Variants in SERGEF observed in about 807,000 individuals in gnomAD.
SERGEF encodes the protein secretion regulating guanine nucleotide exchange factor, also known as secretion-regulating guanine nucleotide exchange factor.
In SERGEF, 51 loss-of-function variants were observed where a neutral mutation model predicts 50.0. The observed-to-expected ratio is 1.02, with a 90% CI of 0.81 to 1.29. The LOEUF is 1.29. Among genes scored for constraint, SERGEF ranks in the 50% most tolerant of loss-of-function variants. SERGEF has a pLI of 0.00. For missense variants in SERGEF, 521 were observed against 557.0 expected (o/e 0.94, Z 0.65); for synonymous variants, 205 against 212.4 (o/e 0.97, Z 0.30).
chr11:17,902,988 T>G (rs1035516035), intron 9 of SERGEF, among the ~76,000 whole-genome samples: 1 of 152,250 alleles, frequency 6.6e-6, no homozygotes, highest in African/African-American at 2.4e-5. Flanking sequence ...GTTGATGCCT[T>G]TTCCAAATTA....
rs182743674 is a variant in SERGEF at position 17,808,719 on chromosome 11, A to C, written c.1049-20306T>G. On this transcript the variant is annotated intron_variant, in intron 10 of 10. Coordinates refer to ENST00000265965, the MANE Select transcript of SERGEF (RefSeq NM_012139.4). ...CATTTCCAGGATAATATAGGCCCCT[A>C]CACCTTGTATGACTGATCCCTATCT... Among the ~76,000 whole-genome samples, 4 of 152,340 alleles carry C rather than the reference A, an allele frequency of 2.6e-5. No homozygotes were observed. The East Asian group carries it at 7.7e-4, about 29-fold the overall frequency.
intron 8 of SERGEF, among the ~76,000 whole-genome samples, chr11:17,978,735 T>C (rs550836410): frequency 1.8e-3 from 275 of 152,324 alleles, no homozygotes; most frequent in African/African-American, 6.4e-3. Flanking sequence ...TTTCCCTTTC[T>C]GGGCCTAGGT....
intron 10 of SERGEF, among the ~76,000 whole-genome samples, chr11:17,849,966 C>A (rs566916445): frequency 6.6e-6 from 1 of 152,206 alleles, no homozygotes; most frequent in African/African-American, 2.4e-5. Flanking sequence ...GTTGCTATAA[C>A]CGAATACCAC....
chr11:18,009,564 G>T (rs1208471672), intron 1 of SERGEF, among the ~76,000 whole-genome samples: 1 of 152,166 alleles, frequency 6.6e-6, no homozygotes, highest in Non-Finnish European at 1.5e-5. Context: ...AGGATTTCTT[G>T]CCTTAAAGCA....
At chr11:17,909,340 T>C (rs1851907452) in intron 9 of SERGEF, among the ~76,000 whole-genome samples, 1 of 152,196 alleles carries the variant, frequency 6.6e-6, no homozygotes, top group African/African-American at 2.4e-5. Context: ...TCTCTTCTGT[T>C]TGAAGGAATC....
chr11:17,976,589 C>T (rs890818747), intron 8 of SERGEF, among the ~76,000 whole-genome samples: 9 of 151,446 alleles, frequency 5.9e-5, no homozygotes, highest in Admixed American at 5.3e-4. Context: ...AGTGAGCCAC[C>T]GTGCCTGGCT....
rs117285797 is a variant in SERGEF, at chr11:17,831,858, C to G, written c.1049-43445G>C. 5.6e-3 allele frequency among the ~76,000 whole-genome samples: 860 copies of G among 152,302 alleles called. 5 individuals are homozygous for G. The highest frequency in any genetic ancestry group is 0.014 in the Middle Eastern group (4 of 294). On this transcript the variant is annotated intron_variant, in intron 10 of 10. Transcript: ENST00000265965. The stretch of plus-strand genomic sequence containing the variant: ...CTTCTTCATCAGCCCACTTCCAAAG[C>G]CCTAATTAAAGACCTTGTGCATTAC...
chr11:17,861,956 T>C (rs1350350246), intron 10 of SERGEF, among the ~76,000 whole-genome samples: 1 of 152,250 alleles, frequency 6.6e-6, no homozygotes, highest in African/African-American at 2.4e-5. Context: ...TACTAGCTTC[T>C]AAAAATAGAT....
At chr11:18,001,853 C>A (rs935616541) in intron 4 of SERGEF, 9 of 345,614 alleles carry the variant, frequency 2.6e-5, no homozygotes, top group South Asian at 2.2e-4. Context: ...TAATCATAAC[C>A]CCATTAAGGC....
chr11:17,910,467 G>C (rs908038053), intron 9 of SERGEF, among the ~76,000 whole-genome samples: 6 of 152,130 alleles, frequency 3.9e-5, no homozygotes, highest in African/African-American at 1.2e-4. Flanking sequence ...GTCGAGGCTG[G>C]TCTTAAATTC....
chr11:17,845,763 C>A (rs1180270598), intron 10 of SERGEF, among the ~76,000 whole-genome samples: 2 of 152,132 alleles, frequency 1.3e-5, no homozygotes, highest in Non-Finnish European at 2.9e-5. Context: ...TTGACCAATA[C>A]AATTCTCTCT....
At chr11:17,994,954 A>G (rs746510006) in intron 6 of SERGEF, among the ~76,000 whole-genome samples, 7 of 152,166 alleles carry the variant, frequency 4.6e-5, no homozygotes, top group Non-Finnish European at 1.0e-4. Context: ...CAAGTCTCCT[A>G]TACAAGTTTT....
intron 10 of SERGEF, among the ~76,000 whole-genome samples, chr11:17,818,998 C>A: frequency 6.6e-6 from 1 of 152,252 alleles, no homozygotes; most frequent in East Asian, 1.9e-4. Flanking sequence ...TTTCTTCAGG[C>A]AGCTGTCTAG....
In SERGEF at chr11:18,010,026, G is replaced by A; in HGVS notation, c.61-1950C>T. Reference sequence around the variant, plus strand: ...ACAAGGGATTGTGGACCTGCAGAGAGAATCTTACTAAGATTTCAGAAATCT... The same window carrying A: ...ACAAGGGATTGTGGACCTGCAGAGAAAATCTTACTAAGATTTCAGAAATCT... On this transcript the variant is annotated intron_variant, in intron 1 of 10. Transcript: ENST00000265965. The A allele has an allele frequency of 3.6e-6, 3 of 836,824 alleles. No homozygotes were observed. The South Asian group carries it at 5.0e-5, about 14-fold the overall frequency. The allele number at this position is 836,824 out of a possible 1,614,324, so 51.8% of individuals were successfully genotyped here. A position where few individuals can be genotyped will look rare whatever the true frequency, so the allele number is the denominator to read the frequency against.
intron 5 of SERGEF, among the ~76,000 whole-genome samples, chr11:17,999,920 G>A (rs538778047): frequency 2.0e-5 from 3 of 152,294 alleles, no homozygotes; most frequent in Admixed American, 2.0e-4. Context: ...CTTCCTGGTT[G>A]TGAGGATTAA....
intron 9 of SERGEF, among the ~76,000 whole-genome samples, chr11:17,895,448 G>A (rs1002849746): frequency 1.3e-5 from 2 of 152,146 alleles, no homozygotes; most frequent in Admixed American, 6.5e-5. Context: ...GGCACAGCCC[G>A]ACAAGTCAGC....
chr11:17,801,011 C>T (rs1487343020), intron 10 of SERGEF, among the ~76,000 whole-genome samples: 9 of 151,924 alleles, frequency 5.9e-5, no homozygotes, highest in Non-Finnish European at 1.3e-4. Context: ...CTGGCTAACA[C>T]GGTGAAAGCC....
At chr11:17,947,441 A>C (rs1051144690) in intron 9 of SERGEF, among the ~76,000 whole-genome samples, 1 of 152,238 alleles carries the variant, frequency 6.6e-6, no homozygotes, top group African/African-American at 2.4e-5. Flanking sequence ...ATCTTTTCTC[A>C]AGTCTTCAAA....
chr11:17,940,104 A>G (rs1031398572), intron 9 of SERGEF, among the ~76,000 whole-genome samples: 2 of 152,214 alleles, frequency 1.3e-5, no homozygotes, highest in Non-Finnish European at 2.9e-5. Context: ...CTAACAAAGA[A>G]GAAGAAAGCT....
Sources: gnomAD v4.1 joint callset for allele counts (sites outside exome capture counted in the v4.1 genomes callset) on GRCh38, gnomAD v4.1.1 for gene constraint, MANE v1.5 for transcripts, NCBI Gene and HGNC (gene_info 2026-07-23, HGNC 2026-07-21) for gene names.